Variants in EFCAB6 observed in about 807,000 individuals in gnomAD.
EFCAB6 encodes EF-hand calcium binding domain 6, also known as EF-hand calcium-binding domain-containing protein 6.
In EFCAB6, 156 loss-of-function variants were observed where a neutral mutation model predicts 169.8. The ratio of observed to expected loss-of-function variants is 0.92; its 90% CI spans 0.81 to 1.05. The LOEUF (loss-of-function observed/expected upper bound fraction) is 1.05, where lower values mean the gene tolerates loss of function less well. Among genes scored for constraint, EFCAB6 ranks in the 50% least tolerant of loss-of-function variants. EFCAB6 has a pLI of 0.00. For synonymous variants in EFCAB6, 698 were observed against 676.4 expected, an observed-to-expected ratio of 1.03 and a Z score of -0.50; for missense variants, 1,800 against 1,829.1, an observed-to-expected ratio of 0.98 and a Z score of 0.29.
chr22:43,672,787 C>T (rs1030264299), intron 13 of EFCAB6, among the ~76,000 whole-genome samples: 1 of 152,042 alleles, frequency 6.6e-6, no homozygotes, highest in African/African-American at 2.4e-5. Context: ...AGGCTTAATA[C>T]TTGGGTGATG....
At chr22:43,768,695 T>C (rs1569479602) in intron 4 of EFCAB6, among the ~76,000 whole-genome samples, 1 of 152,206 alleles carries the variant, frequency 6.6e-6, no homozygotes, top group Admixed American at 6.5e-5. Flanking sequence ...AGTTCTACAG[T>C]TCTCAGTGGC....
chr22:43,658,418 G>A (rs180906588), intron 17 of EFCAB6, among the ~76,000 whole-genome samples: 4 of 152,190 alleles, frequency 2.6e-5, no homozygotes, highest in African/African-American at 4.8e-5. Flanking sequence ...GGCCACTCCC[G>A]CACTGTGAGT....
At chr22:43,538,383 G>GT (rs1021768998) in intron 28 of EFCAB6, among the ~76,000 whole-genome samples, 23 of 151,988 alleles carry the variant, frequency 1.5e-4, no homozygotes, top group Middle Eastern at 3.4e-3. Flanking sequence ...AGTGTTTTTT[G>GT]TTTTTTTGTT....
chr22:43,713,562 T>C (rs1450323695), intron 9 of EFCAB6, among the ~76,000 whole-genome samples: 1 of 152,070 alleles, frequency 6.6e-6, no homozygotes, highest in African/African-American at 2.4e-5. Context: ...TGGCAAGCAA[T>C]AGGATACTGC....
At chr22:43,638,911 G>A (rs777697384) in intron 17 of EFCAB6, among the ~76,000 whole-genome samples, 5 of 151,486 alleles carry the variant, frequency 3.3e-5, no homozygotes, top group East Asian at 1.9e-4. Context: ...TCAGCCTCCC[G>A]AGTAGCTGGG....
rs2047021862 is a variant in EFCAB6 at position 43,530,958 on chromosome 22, C to T, written c.4240G>A (p.Ala1414Thr). ...KIQNAHKMKE[A>T]GAETPSFYSA... ...TAAAAAGATGGCGTCTCCGCGCCGG[C>T]TTCTTTCTAGACACAAGACAAGAAG... The change falls in exon 31 of 32, where the codon GCC (alanine) becomes ACC (threonine). Residue 1414 changes from alanine (A) to threonine (T), a missense_variant. Transcript: ENST00000262726. The T allele has an allele frequency of 4.3e-6, 7 of 1,613,836 alleles. No homozygotes were observed. In the Admixed American group the frequency reaches 1.0e-4, roughly 23 times the overall value.
chr22:43,639,409 G>A (rs1431731295), intron 17 of EFCAB6, among the ~76,000 whole-genome samples: 4 of 152,094 alleles, frequency 2.6e-5, no homozygotes, highest in African/African-American at 9.7e-5. Context: ...AAAATTCTGG[G>A]TTGGGAGGTT....
intron 17 of EFCAB6, among the ~76,000 whole-genome samples, chr22:43,642,182 C>G (rs2055849309): frequency 6.6e-6 from 1 of 152,050 alleles, no homozygotes; most frequent in Non-Finnish European, 1.5e-5. Flanking sequence ...CGCAGGTTAT[C>G]CACCCGCCTC....
At chr22:43,694,268 G>A (rs909706034) in intron 10 of EFCAB6, among the ~76,000 whole-genome samples, 1 of 151,878 alleles carries the variant, frequency 6.6e-6, no homozygotes, top group Non-Finnish European at 1.5e-5. Flanking sequence ...GACCCAAGAA[G>A]AAAGAGAAAA....
At position 43,608,558 on chromosome 22, in the gene EFCAB6, G is replaced by T. The variant is rs202223034; in HGVS notation, c.2605C>A (p.Arg869Ser). The change falls in exon 22 of 32, where the codon CGC (arginine) becomes AGC (serine). Residue 869 changes from arginine (R) to serine (S), a missense_variant. By Grantham distance (110) the Arg-to-Ser change is moderately radical. Transcript: ENST00000262726. ...TACAGTGCGTTCTTTATGTCCCGGC[G>T]TCGAAGAATGCCATTGCCCTCATTA... ...TDNEGNGILR[R>S]RDIKNALYGF... 6.2e-7 allele frequency: 1 copy of T among 1,614,138 alleles called. No homozygotes were observed.
At chr22:43,671,124 C>G (rs2057473774) in intron 15 of EFCAB6, among the ~76,000 whole-genome samples, 1 of 152,220 alleles carries the variant, frequency 6.6e-6, no homozygotes, top group Non-Finnish European at 1.5e-5. Flanking sequence ...GCCTGTGAAC[C>G]ATCTGCATGG....
chr22:43,598,320 A>AAAAAC, intron 23 of EFCAB6, among the ~76,000 whole-genome samples: 1 of 149,010 alleles, frequency 6.7e-6, no homozygotes, highest in African/African-American at 2.5e-5. Flanking sequence ...GGAAAAAAAA[A>AAAAAC]AAAAAAAAAA....
rs183524970 is a variant in EFCAB6, at chr22:43,669,984, G to A, written c.1641-939C>T. 3.5e-3 allele frequency among the ~76,000 whole-genome samples: 536 copies of A among 152,264 alleles called. 4 individuals are homozygous for A. Among genetic ancestry groups the A allele is most frequent in the African/African-American group, 0.012 (490 of 41,534 alleles). On this transcript the variant is annotated intron_variant, in intron 15 of 31. Coordinates refer to ENST00000262726, the MANE Select transcript of EFCAB6 (RefSeq NM_022785.4). ...GACCACAAATAAAATGTATTCTTGT[G>A]TAGATTGTGCTTTCTAACATTTTTA... is the stretch of plus-strand genomic sequence containing the variant.
At chr22:43,764,024 A>T (rs1271166223) in intron 5 of EFCAB6, among the ~76,000 whole-genome samples, 1 of 152,168 alleles carries the variant, frequency 6.6e-6, no homozygotes, top group East Asian at 1.9e-4. Context: ...CAGCCTCCCA[A>T]AGTGCTGGGG....
Position 43,659,815 on chromosome 22 carries a change from C to T in EFCAB6, c.1983+7289G>A, listed in dbSNP as rs1365573476. Among the ~76,000 whole-genome samples, 4 of 152,166 alleles carry T rather than the reference C, an allele frequency of 2.6e-5. No individual in the cohort carries two copies. In the East Asian group the frequency reaches 7.7e-4, roughly 29 times the overall value. On this transcript the variant is annotated intron_variant, in intron 17 of 31. Coordinates refer to ENST00000262726, the MANE Select transcript of EFCAB6 (RefSeq NM_022785.4). ...TCTCTGGATATGTGAGTTTCATCAGCAGCCAAAGGGAGGAAGTGCTCTGCA... is the reference window on the plus strand; with the variant it reads ...TCTCTGGATATGTGAGTTTCATCAGTAGCCAAAGGGAGGAAGTGCTCTGCA...
chr22:43,719,312 A>G (rs1434661335), intron 8 of EFCAB6, among the ~76,000 whole-genome samples: 3 of 152,158 alleles, frequency 2.0e-5, no homozygotes, highest in Non-Finnish European at 4.4e-5. Context: ...ATGCTACCCA[A>G]TGTGAAACTG....
chr22:43,706,896 A>G (rs2058980064), intron 10 of EFCAB6, among the ~76,000 whole-genome samples: 1 of 152,248 alleles, frequency 6.6e-6, no homozygotes, highest in African/African-American at 2.4e-5. Context: ...TGGAATAAGT[A>G]AATAAGTAAA....
At chr22:43,623,360 A>G (rs2054240117) in intron 20 of EFCAB6, among the ~76,000 whole-genome samples, 1 of 152,210 alleles carries the variant, frequency 6.6e-6, no homozygotes, top group African/African-American at 2.4e-5. Context: ...AAGGACTGGA[A>G]GGGAATCGAA....
chr22:43,607,457 A>C (rs1458570009), intron 22 of EFCAB6, among the ~76,000 whole-genome samples: 1 of 152,198 alleles, frequency 6.6e-6, no homozygotes, highest in African/African-American at 2.4e-5. Flanking sequence ...ACTGAGAGGC[A>C]GGGCTATGCA....
Sources: allele counts gnomAD v4.1 joint callset (sites outside exome capture counted in the v4.1 genomes callset), GRCh38; gene constraint gnomAD v4.1.1; transcripts MANE v1.5; gene names NCBI Gene and HGNC (gene_info 2026-07-23, HGNC 2026-07-21).